Variants in SLC5A5 observed in about 807,000 individuals in gnomAD.
The protein encoded by SLC5A5 is solute carrier family 5 member 5.
SLC5A5 carries 56 observed loss-of-function variants against 68.6 expected under a neutral mutation model. The observed-to-expected ratio is 0.82, with a 90% CI of 0.66 to 1.02. SLC5A5 has a LOEUF of 1.02. Ranked by LOEUF, SLC5A5 falls within the 50% of genes least tolerant of loss-of-function variation. SLC5A5 has a pLI of 0.00. For missense variants in SLC5A5, 807 were observed against 859.8 expected, an observed-to-expected ratio of 0.94 and a Z score of 0.77; for synonymous variants, 398 against 373.0, an observed-to-expected ratio of 1.07 and a Z score of -0.77.
At chr19:17,889,927 A>G (rs1381343663) in intron 13 of SLC5A5, among the ~76,000 whole-genome samples, 1 of 152,164 alleles carries the variant, frequency 6.6e-6, no homozygotes, top group Admixed American at 6.6e-5. Flanking sequence ...ACCTGCTCAC[A>G]CTTCTTGAGT....
chr19:17,872,045 T>G lies in SLC5A5; in HGVS notation c.-275T>G. Reference sequence around the variant, plus strand: ...CTGCATGGGACAGCGGAACCCAGAGTGAGAGGGGAGGTGGCAGGACAGACA... The same window carrying G: ...CTGCATGGGACAGCGGAACCCAGAGGGAGAGGGGAGGTGGCAGGACAGACA... On this transcript the variant is annotated 5_prime_UTR_variant, in exon 1 of 15. An upstream open reading frame in the 5' UTR loses its in-frame stop. Coordinates refer to ENST00000222248, the MANE Select transcript of SLC5A5 (RefSeq NM_000453.3). 1.5e-5 allele frequency: 7 copies of G among 476,478 alleles called. No homozygotes were observed. The highest frequency in any genetic ancestry group is 5.0e-5 in the South Asian group (2 of 40,084). 29.5% of individuals were successfully genotyped at this position (476,478 alleles called of 1,614,324 possible). A position where few individuals can be genotyped will look rare whatever the true frequency, so the allele number is the denominator to read the frequency against.
chr19:17,873,263 C>A (rs2094298743), intron 1 of SLC5A5, among the ~76,000 whole-genome samples: 1 of 151,732 alleles, frequency 6.6e-6, no homozygotes, highest in Non-Finnish European at 1.5e-5. Context: ...GAGTTCAAGA[C>A]CAGCCTGGCC....
In SLC5A5 at chr19:17,894,143, CTTTTTTTTT is replaced by C. The variant is rs772763011; in HGVS notation, c.*280_*288del. Reference sequence around the variant, plus strand: ...AATAAGGCTGGGTTTTTCTCTCTCTCTTTTTTTTTTTTTTTTTTTTTTGAGACAGGGTCA... The same window carrying C: ...AATAAGGCTGGGTTTTTCTCTCTCTCTTTTTTTTTTTTTGAGACAGGGTCA... On this transcript the variant is annotated 3_prime_UTR_variant, in exon 15 of 15. Coordinates refer to ENST00000222248, the MANE Select transcript of SLC5A5 (RefSeq NM_000453.3). 1.5e-5 allele frequency: 4 copies of C among 263,148 alleles called. No homozygotes were observed. The highest frequency in any genetic ancestry group is 3.0e-5 in the African/African-American group (1 of 33,044). 16.3% of individuals were successfully genotyped at this position (263,148 alleles called of 1,614,324 possible). A position where few individuals can be genotyped will look rare whatever the true frequency, so the allele number is the denominator to read the frequency against.
At position 17,877,750 on chromosome 19, in the gene SLC5A5, T is replaced by C. The variant is rs764695468; in HGVS notation, c.726T>C (p.Tyr242=). 72 of 1,614,122 alleles carry C rather than the reference T, an allele frequency of 4.5e-5. No individual in the cohort carries two copies. Among genetic ancestry groups the C allele is most frequent in the Non-Finnish European group, 5.6e-5 (66 of 1,180,052 alleles). Residue 242 remains tyrosine, a synonymous_variant, in exon 6 of 15, where the codon TAT becomes TAC. Transcript: ENST00000222248. ...MDFNPDPRSR[Y]TFWTFVVGGT... ...TTAACCCTGACCCGAGGAGCCGCTA[T>C]ACATTCTGGACTTTTGTGGTGGGTG... is the stretch of plus-strand genomic sequence containing the variant.
chr19:17,883,489 T>C (rs2094325595), intron 10 of SLC5A5, among the ~76,000 whole-genome samples, 192 bp from the exon 11 acceptor site: 2 of 148,710 alleles, frequency 1.3e-5, no homozygotes, highest in East Asian at 3.9e-4. Context: ...ATCAGTGTCT[T>C]TGCCTCCAAC....
In SLC5A5 at chr19:17,880,895, G is replaced by C. The variant is rs1218889933; in HGVS notation, c.1000G>C (p.Glu334Gln). Residue 334 changes from glutamate to glutamine, a missense_variant, in exon 8 of 15, where the codon GAA becomes CAA. Coordinates refer to ENST00000222248, the MANE Select transcript of SLC5A5 (RefSeq NM_000453.3). Reference sequence around the variant, plus strand: ...GCCTCTGCTGGTGCTGGACATCTTCGAAGATCTGCCTGGAGTCCCCGGGCT... The same window carrying C: ...GCCTCTGCTGGTGCTGGACATCTTCCAAGATCTGCCTGGAGTCCCCGGGCT... ...YMPLLVLDIF[E>Q]DLPGVPGLFL... The C allele has an allele frequency of 6.2e-7, 1 of 1,613,978 alleles. No homozygotes were observed. The highest frequency in any genetic ancestry group is 2.2e-5 in the East Asian group (1 of 44,878).
At chr19:17,873,323 T>C in intron 1 of SLC5A5, among the ~76,000 whole-genome samples, 1 of 151,500 alleles carries the variant, frequency 6.6e-6, no homozygotes, top group East Asian at 1.9e-4. Context: ...TAGCCGGATG[T>C]GGTGGTGGGC....
At position 17,894,647 on chromosome 19, in the gene SLC5A5, C is replaced by T. The variant is rs2030340909; in HGVS notation, c.*770C>T. ...CCGCGCCCCACCTCTTTCTTATTTT[C>T]TTCCTGGGATTGGGGAGGGGATGAT... On this transcript the variant is annotated 3_prime_UTR_variant, in exon 15 of 15. Transcript: ENST00000222248. 1 of 152,224 alleles carries T rather than the reference C, an allele frequency of 6.6e-6. No individual in the cohort carries two copies. Among genetic ancestry groups the T allele is most frequent in the Non-Finnish European group, 1.5e-5 (1 of 68,172 alleles). The allele number at this position is 152,224 out of a possible 1,614,324, so 9.4% of individuals were successfully genotyped here. A position where few individuals can be genotyped will look rare whatever the true frequency, so the allele number is the denominator to read the frequency against.
At chr19:17,888,617 TATCATCATCATCATC>T (rs59801766) in intron 13 of SLC5A5, among the ~76,000 whole-genome samples, 162 bp downstream of exon 13, 1 of 131,488 alleles carries the variant, frequency 7.6e-6, no homozygotes, top group Non-Finnish European at 1.6e-5. Context: ...TTATTATTAT[TATCATCATCATCATC>T]ATCATCATCA....
intron 12 of SLC5A5, among the ~76,000 whole-genome samples, chr19:17,885,463 T>C (rs1424422793): frequency 6.6e-6 from 1 of 151,894 alleles, no homozygotes; most frequent in Non-Finnish European, 1.5e-5. Context: ...CACTGCACCA[T>C]TGACCTCCAG....
intron 10 of SLC5A5, 31 bp from the exon 11 acceptor site, chr19:17,883,650 C>T: frequency 6.3e-7 from 1 of 1,582,892 alleles, no homozygotes; most frequent in Admixed American, 1.7e-5. Flanking sequence ...GAGGGCTCCG[C>T]CCTCAGCCCC....
chr19:17,879,775 G>T (rs7257982), intron 7 of SLC5A5, among the ~76,000 whole-genome samples: 33,489 of 152,088 alleles, frequency 0.22, 3,855 homozygotes, highest in African/African-American at 0.26. Context: ...GATGACACGG[G>T]TCCCTGCTTC....
chr19:17,880,029 G>A (rs575337362), intron 7 of SLC5A5, among the ~76,000 whole-genome samples: 1 of 151,800 alleles, frequency 6.6e-6, no homozygotes, highest in Admixed American at 6.6e-5. Flanking sequence ...CCCCCGAGTA[G>A]CTGGGATGAC....
chr19:17,895,056 G>A lies in SLC5A5; in HGVS notation c.*1179G>A, dbSNP rs1197039996. On this transcript the variant is annotated 3_prime_UTR_variant, in exon 15 of 15. Transcript: ENST00000222248. Reference sequence around the variant, plus strand: ...CAGCAACAACCAGAAATCAGGAGGGGGGCATGAGATGCATTATTTCTTAGA... The same window carrying A: ...CAGCAACAACCAGAAATCAGGAGGGAGGCATGAGATGCATTATTTCTTAGA... 1 of 151,652 alleles carries A rather than the reference G, an allele frequency of 6.6e-6. No homozygotes were observed. Among genetic ancestry groups the A allele is most frequent in the Non-Finnish European group, 1.5e-5 (1 of 67,942 alleles). 9.4% of individuals were successfully genotyped at this position (151,652 alleles called of 1,614,324 possible).
In SLC5A5 at chr19:17,893,804, T is replaced by C. The variant is rs1244883645; in HGVS notation, c.1859T>C (p.Leu620Pro). The change falls in exon 15 of 15, where the codon CTG becomes CCG. Residue 620 changes from leucine to proline, a missense_variant. Leu to Pro is a moderately conservative substitution (Grantham distance 98). Coordinates refer to ENST00000222248, the MANE Select transcript of SLC5A5 (RefSeq NM_000453.3). Reference sequence around the variant, plus strand: ...CTGTTTTTCTTGGGGCAGAAGGAGCTGGAGGGGGCTGGCTCTTGGACCCCC... The same window carrying C: ...CTGTTTTTCTTGGGGCAGAAGGAGCCGGAGGGGGCTGGCTCTTGGACCCCC... ...DRLFFLGQKE[L>P]EGAGSWTPCV... 1.2e-6 allele frequency: 2 copies of C among 1,608,356 alleles called. No homozygotes were observed. Among genetic ancestry groups the C allele is most frequent in the South Asian group, 1.1e-5 (1 of 90,246 alleles).
In SLC5A5 at chr19:17,880,817, G is replaced by C. The variant is rs73520740; in HGVS notation, c.970-48G>C. 3.7e-3 allele frequency: 5,143 copies of C among 1,392,262 alleles called. 115 individuals carry two copies. In the African/African-American group the frequency reaches 0.056, roughly 15 times the overall value. 86.2% of individuals were successfully genotyped at this position (1,392,262 alleles called of 1,614,324 possible). A position where few individuals can be genotyped will look rare whatever the true frequency, so the allele number is the denominator to read the frequency against. On this transcript the variant is annotated intron_variant, in intron 7 of 14. Transcript: ENST00000222248. ...AGCATCAGGACAGATAGATGCCCCG[G>C]TCCTCGGGGTGCAGCTGTCTGGGAG...
At chr19:17,883,810 AC>A in intron 11 of SLC5A5, 39 bp from the exon 12 acceptor site, 1 of 1,603,926 alleles carries the variant, frequency 6.2e-7, no homozygotes, top group East Asian at 2.2e-5. Flanking sequence ...GCGGGGCCGG[AC>A]AGGCCCCTCC....
At chr19:17,883,370 C>T (rs937349048) in intron 10 of SLC5A5, among the ~76,000 whole-genome samples, 2 of 151,056 alleles carry the variant, frequency 1.3e-5, no homozygotes, top group South Asian at 2.1e-4. Flanking sequence ...GCCAAGATCG[C>T]GCCACTGCAC....
At chr19:17,873,292 C>G (rs895561480) in intron 1 of SLC5A5, among the ~76,000 whole-genome samples, 1 of 151,932 alleles carries the variant, frequency 6.6e-6, no homozygotes, top group Admixed American at 6.6e-5. Context: ...GAAACCCCGT[C>G]TCTACTAAAA....
Sources: allele counts gnomAD v4.1 joint callset (sites outside exome capture counted in the v4.1 genomes callset), GRCh38; gene constraint gnomAD v4.1.1; transcripts MANE v1.5; gene names NCBI Gene and HGNC (gene_info 2026-07-23, HGNC 2026-07-21).